RANBP3: variants seen among roughly 807,000 people sequenced by gnomAD.
The protein encoded by RANBP3 is RAN binding protein 3, also known as ran-binding protein 3.
A neutral mutation model predicts 77.3 loss-of-function variants in RANBP3; 14 were observed. That is an observed-to-expected ratio of 0.18 (90% CI 0.12 to 0.28). RANBP3 has a LOEUF of 0.28. RANBP3 is among the 10% of genes least tolerant of loss of function. The pLI is 1.00. For synonymous variants in RANBP3, 315 were observed against 312.4 expected, an observed-to-expected ratio of 1.01 and a Z score of -0.09; for missense variants, 586 against 752.3, an observed-to-expected ratio of 0.78 and a Z score of 2.59.
chr19:5,926,919 G>A (rs2057918160), intron 9 of RANBP3, among the ~76,000 whole-genome samples: 1 of 152,176 alleles, frequency 6.6e-6, no homozygotes, highest in Admixed American at 6.5e-5. Flanking sequence ...ATGCTAGAGA[G>A]GTTTTTGTTT....
At chr19:5,925,590 C>G (rs376189730) in intron 10 of RANBP3, 44 bp downstream of exon 10, 1 of 1,571,994 alleles carries the variant, frequency 6.4e-7, no homozygotes, top group Non-Finnish European at 8.7e-7. Context: ...TCGCGGCCAC[C>G]TGCATCGCCA....
chr19:5,932,523 T>G lies in RANBP3; in HGVS notation c.494A>C (p.Lys165Thr). 19 of 1,613,786 alleles carry G rather than the reference T, an allele frequency of 1.2e-5. No homozygotes were observed. The highest frequency in any genetic ancestry group is 1.6e-5 in the Non-Finnish European group (19 of 1,180,006). Reference sequence around the variant, plus strand: ...GCGAAGCACGCTCCGCTGCTGCTCCTTGGGCTTCTGGCTTGGCAGACCTAG... The same window carrying G: ...GCGAAGCACGCTCCGCTGCTGCTCCGTGGGCTTCTGGCTTGGCAGACCTAG... Reference protein sequence around the residue: ...PSAGLPSQKPKEQQRSVLRPA... With the variant: ...PSAGLPSQKPTEQQRSVLRPA... Residue 165 changes from lysine to threonine, a missense_variant, in exon 7 of 17, where the codon AAG (lysine) becomes ACG (threonine). Coordinates refer to ENST00000340578, the MANE Select transcript of RANBP3 (RefSeq NM_007322.3).
intron 1 of RANBP3, among the ~76,000 whole-genome samples, chr19:5,976,192 G>GA (rs2058588914): frequency 1.3e-5 from 2 of 152,202 alleles, no homozygotes; most frequent in Admixed American, 6.5e-5. Flanking sequence ...TACAATGGGT[G>GA]AAAGACCATG....
intron 1 of RANBP3, among the ~76,000 whole-genome samples, chr19:5,963,273 C>T (rs778962289): frequency 5.9e-5 from 9 of 152,166 alleles, no homozygotes; most frequent in South Asian, 4.1e-4. Flanking sequence ...AAAACCAATA[C>T]GAGGCACAGT....
chr19:5,925,980 C>T (rs542151093), intron 9 of RANBP3, among the ~76,000 whole-genome samples: 22 of 152,298 alleles, frequency 1.4e-4, no homozygotes, highest in Non-Finnish European at 7.4e-5. Flanking sequence ...GCCTTTTCCA[C>T]CTTGTTACAA....
chr19:5,922,862 C>T (rs2057843030), intron 13 of RANBP3, among the ~76,000 whole-genome samples: 2 of 152,196 alleles, frequency 1.3e-5, no homozygotes, highest in Admixed American at 1.3e-4. Flanking sequence ...ATCCCTTGAA[C>T]CCAGGAAGCA....
At chr19:5,927,937 A>C (rs2057935137) in intron 9 of RANBP3, 31 bp downstream of exon 9, 2 of 1,579,356 alleles carry the variant, frequency 1.3e-6, no homozygotes, top group Non-Finnish European at 1.7e-6. Flanking sequence ...AGGCATAAAA[A>C]GTCAATGTGC....
At chr19:5,973,595 T>C (rs1282670957) in intron 1 of RANBP3, among the ~76,000 whole-genome samples, 2 of 152,128 alleles carry the variant, frequency 1.3e-5, no homozygotes, top group African/African-American at 4.8e-5. Context: ...AGGACAGAAC[T>C]TAGGAGGACC....
intron 2 of RANBP3, 119 bp downstream of exon 2, chr19:5,957,799 T>C (rs1397718133): frequency 1.9e-6 from 2 of 1,068,842 alleles, no homozygotes; most frequent in African/African-American, 3.2e-5. Flanking sequence ...GGCCTCTGCT[T>C]AGGTCTCCCC....
At chr19:5,970,987 T>C (rs1022432290) in intron 1 of RANBP3, among the ~76,000 whole-genome samples, 5 of 152,194 alleles carry the variant, frequency 3.3e-5, no homozygotes, top group Admixed American at 1.3e-4. Context: ...TCTCCCGATG[T>C]TGGCAAGGCA....
At chr19:5,962,694 C>T in intron 1 of RANBP3, 1 of 456,048 alleles carries the variant, frequency 2.2e-6, no homozygotes, top group Non-Finnish European at 4.4e-6. Flanking sequence ...TAGAAATGAG[C>T]TTTAGTCACA....
Position 5,977,133 on chromosome 19 carries a change from C to A in RANBP3, c.22+928G>T, listed in dbSNP as rs78218054. On this transcript the variant is annotated intron_variant, in intron 1 of 16. Transcript: ENST00000340578. Reference sequence around the variant, plus strand: ...AATTCGGTAGGGAAAACCCTCCAGTCACAGGGAGCACCGAATGGGGGAATC... The same window carrying A: ...AATTCGGTAGGGAAAACCCTCCAGTAACAGGGAGCACCGAATGGGGGAATC... Among the ~76,000 whole-genome samples, 44 of 152,278 alleles carry A rather than the reference C, an allele frequency of 2.9e-4. No individual in the cohort carries two copies. In the East Asian group the frequency reaches 8.1e-3, roughly 28 times the overall value.
At chr19:5,968,506 T>G (rs2058494403) in intron 1 of RANBP3, among the ~76,000 whole-genome samples, 1 of 152,248 alleles carries the variant, frequency 6.6e-6, no homozygotes, top group Non-Finnish European at 1.5e-5. Context: ...GTAGCATTAT[T>G]ATGCTCGGAA....
intron 1 of RANBP3, among the ~76,000 whole-genome samples, chr19:5,972,917 C>T (rs773891395): frequency 6.6e-6 from 1 of 152,174 alleles, no homozygotes; most frequent in African/African-American, 2.4e-5. Flanking sequence ...TTCTGGTAAA[C>T]GGAGAGGCAG....
intron 12 of RANBP3, among the ~76,000 whole-genome samples, chr19:5,923,544 G>A (rs1478032918): frequency 6.6e-6 from 1 of 152,192 alleles, no homozygotes; most frequent in East Asian, 1.9e-4. Flanking sequence ...GTGCCGAGCA[G>A]TCGACGGGGG....
At chr19:5,923,673 C>T (rs1568447182) in intron 12 of RANBP3, 139 bp downstream of exon 12, 1 of 665,092 alleles carries the variant, frequency 1.5e-6, no homozygotes, top group African/African-American at 1.8e-5. Flanking sequence ...AAGGCAGGGC[C>T]CTGGAGCTGG....
chr19:5,947,643 A>C (rs2058223290), intron 3 of RANBP3, among the ~76,000 whole-genome samples: 1 of 152,240 alleles, frequency 6.6e-6, no homozygotes, highest in African/African-American at 2.4e-5. Flanking sequence ...AGGAGTGAAC[A>C]GAGCAGGCTC....
At chr19:5,922,710 C>T (rs978660883) in intron 13 of RANBP3, among the ~76,000 whole-genome samples, 11 of 152,290 alleles carry the variant, frequency 7.2e-5, no homozygotes, top group African/African-American at 2.2e-4. Flanking sequence ...GAGGCCGAGG[C>T]GGGTGGATCA....
At chr19:5,961,114 A>G (rs1244458175) in intron 1 of RANBP3, among the ~76,000 whole-genome samples, 1 of 152,204 alleles carries the variant, frequency 6.6e-6, no homozygotes, top group Non-Finnish European at 1.5e-5. Flanking sequence ...GCCTCCACAG[A>G]GCAGCCAGAA....
Sources: gnomAD v4.1 joint callset for allele counts (sites outside exome capture counted in the v4.1 genomes callset) on GRCh38, gnomAD v4.1.1 for gene constraint, MANE v1.5 for transcripts, NCBI Gene and HGNC (gene_info 2026-07-23, HGNC 2026-07-21) for gene names.